SPDYA: variants seen among roughly 807,000 people sequenced by gnomAD.
SPDYA encodes speedy/RINGO cell cycle regulator family member A, also known as speedy protein A.
A neutral mutation model predicts 36.7 loss-of-function variants in SPDYA; 11 were observed. The observed-to-expected ratio is 0.30, with a 90% CI of 0.19 to 0.50. The LOEUF is 0.50. SPDYA is among the 20% of genes least tolerant of loss of function. SPDYA has a pLI of 0.98. For synonymous variants in SPDYA, 115 were observed against 118.7 expected (o/e 0.97, Z 0.20); for missense variants, 287 against 370.9 (o/e 0.77, Z 1.86).
chr2:28,831,981 T>C (rs890851220), intron 6 of SPDYA, among the ~76,000 whole-genome samples: 6 of 152,214 alleles, frequency 3.9e-5, no homozygotes, highest in African/African-American at 1.4e-4. Flanking sequence ...TTTTATTTTA[T>C]TGGATCACTG....
intron 6 of SPDYA, among the ~76,000 whole-genome samples, chr2:28,835,758 C>T (rs1258197335): frequency 6.6e-6 from 1 of 152,182 alleles, no homozygotes; most frequent in African/African-American, 2.4e-5. Context: ...TTTGGCTGTT[C>T]CAACAAGGTA....
Position 28,850,308 on chromosome 2 carries a change from G to T in SPDYA, c.*367G>T, listed in dbSNP as rs751948622. On this transcript the variant is annotated 3_prime_UTR_variant, in exon 8 of 8. Transcript: ENST00000334056. ...TAAAAGAAAAAACACCATTTAATAT[G>T]TTCTGAAAACATTACTCACCTGTAT... 3 of 1,602,830 alleles carry T rather than the reference G, an allele frequency of 1.9e-6. No homozygotes were observed. The highest frequency in any genetic ancestry group is 2.6e-6 in the Non-Finnish European group (3 of 1,171,462).
Position 28,811,793 on chromosome 2 carries a change from A to T in SPDYA, c.-93+846A>T, listed in dbSNP as rs1667852462. On this transcript the variant is annotated intron_variant, in intron 1 of 7. Coordinates refer to ENST00000334056, the MANE Select transcript of SPDYA (RefSeq NM_182756.4). The surrounding 1 kb of genome is among the most constrained non-coding windows in gnomAD (Gnocchi z 4.2). ...GCTAAAACCCGTCTCTACAAAAAATAACTTAAAAAAAAAGTATCCTGGCAT... is the reference window on the plus strand; with the variant it reads ...GCTAAAACCCGTCTCTACAAAAAATTACTTAAAAAAAAAGTATCCTGGCAT... Among the ~76,000 whole-genome samples, 1 of 151,780 alleles carries T rather than the reference A, an allele frequency of 6.6e-6. No individual in the cohort carries two copies. Among genetic ancestry groups the T allele is most frequent in the Non-Finnish European group, 1.5e-5 (1 of 67,960 alleles).
intron 6 of SPDYA, among the ~76,000 whole-genome samples, chr2:28,833,625 G>T (rs998008762): frequency 6.6e-6 from 1 of 152,158 alleles, no homozygotes; most frequent in Non-Finnish European, 1.5e-5. Context: ...GGAAAATGTA[G>T]TCTTTTCAAC....
intron 6 of SPDYA, among the ~76,000 whole-genome samples, chr2:28,835,791 A>T (rs1668582969): frequency 6.6e-6 from 1 of 152,258 alleles, no homozygotes; most frequent in Admixed American, 6.5e-5. Context: ...GTAGGCGTAT[A>T]GAAAAGGTAA....
chr2:28,823,421 G>A (rs190817998), intron 5 of SPDYA, among the ~76,000 whole-genome samples: 11 of 151,738 alleles, frequency 7.2e-5, no homozygotes, highest in South Asian at 2.1e-4. Context: ...TCAGGAGTTC[G>A]ATACCAGCCT....
intron 7 of SPDYA, among the ~76,000 whole-genome samples, chr2:28,841,215 C>G (rs540237649): frequency 1.3e-5 from 2 of 151,996 alleles, no homozygotes; most frequent in Non-Finnish European, 2.9e-5. Flanking sequence ...ATTACGGACA[C>G]GAGCTACCGC....
At chr2:28,812,609 C>G (rs1005778034) in intron 1 of SPDYA, among the ~76,000 whole-genome samples, 1 of 151,944 alleles carries the variant, frequency 6.6e-6, no homozygotes, top group Non-Finnish European at 1.5e-5. Flanking sequence ...GTAATCCCAG[C>G]GCTTTGGGAG....
chr2:28,814,349 A>T (rs961362011), intron 1 of SPDYA, among the ~76,000 whole-genome samples: 1 of 151,650 alleles, frequency 6.6e-6, no homozygotes, highest in Non-Finnish European at 1.5e-5. Context: ...CAAAAAAAAG[A>T]AAAAAAGATT....
Position 28,819,143 on chromosome 2 carries a change from A to G in SPDYA, c.294+37A>G, listed in dbSNP as rs1668069930. On this transcript the variant is annotated intron_variant, in intron 4 of 7. Transcript: ENST00000334056. Reference sequence around the variant, plus strand: ...AACAGTATAACAATTAACCAGCATTATAATGTAACTGAACCATTAGAGCTT... The same window carrying G: ...AACAGTATAACAATTAACCAGCATTGTAATGTAACTGAACCATTAGAGCTT... The G allele has an allele frequency of 3.5e-6, 5 of 1,440,146 alleles. No homozygotes were observed. The Admixed American group carries it at 7.0e-5, about 20-fold the overall frequency. The allele number at this position is 1,440,146 out of a possible 1,614,324, so 89.2% of individuals were successfully genotyped here.
rs1572524971 is a variant in SPDYA, at chr2:28,850,237, G to C, written c.*296G>C. On this transcript the variant is annotated 3_prime_UTR_variant, in exon 8 of 8. Coordinates refer to ENST00000334056, the MANE Select transcript of SPDYA (RefSeq NM_182756.4). ...GGTTTGACCTTCCTCAACTTGACAA[G>C]AAAAGCTAATTTAAGAGAAGAAAAA... The C allele has an allele frequency of 1.2e-6, 2 of 1,611,410 alleles. No homozygotes were observed. The highest frequency in any genetic ancestry group is 1.8e-4 in the Middle Eastern group (1 of 5,638).
At position 28,840,384 on chromosome 2, in the gene SPDYA, G is replaced by A; in HGVS notation, c.765G>A (p.Val255=). 2 of 1,612,486 alleles carry A rather than the reference G, an allele frequency of 1.2e-6. No homozygotes were observed. Among genetic ancestry groups the A allele is most frequent in the East Asian group, 2.2e-5 (1 of 44,872 alleles). ...SSSLSSHTAG[V]TEKHSQDSYN... ...CTTTATCCAGTCATACAGCAGGGGT[G>A]ACAGAAAAACATTCTCAGGACTCAT... Residue 255 remains valine (V), a synonymous_variant, in exon 7 of 8, where the codon GTG becomes GTA. Coordinates refer to ENST00000334056, the MANE Select transcript of SPDYA (RefSeq NM_182756.4).
At chr2:28,823,248 C>G (rs1345540402) in intron 5 of SPDYA, among the ~76,000 whole-genome samples, 1 of 152,154 alleles carries the variant, frequency 6.6e-6, no homozygotes, top group African/African-American at 2.4e-5. Context: ...CTTCCACTGA[C>G]TTTAGTTTAT....
At chr2:28,840,989 C>T (rs1003252299) in intron 7 of SPDYA, among the ~76,000 whole-genome samples, 3 of 136,392 alleles carry the variant, frequency 2.2e-5, no homozygotes, top group African/African-American at 8.1e-5. Context: ...GGCTGGAGTG[C>T]AGTGGGACAA....
In SPDYA at chr2:28,812,635, T is replaced by G. The variant is rs573727654; in HGVS notation, c.-93+1688T>G. 5.7e-4 allele frequency among the ~76,000 whole-genome samples: 87 copies of G among 152,000 alleles called. 1 individual carries two copies. In the Middle Eastern group the frequency reaches 0.01, roughly 18 times the overall value. On this transcript the variant is annotated intron_variant, in intron 1 of 7. Transcript: ENST00000334056. ...GCTTTGGGAGGCCGAGGCGGGCCGA[T>G]CACCTCAGGTCAGGAGTTGGAGACC...
At chr2:28,842,776 C>G (rs1668779270) in intron 7 of SPDYA, among the ~76,000 whole-genome samples, 1 of 152,118 alleles carries the variant, frequency 6.6e-6, no homozygotes, top group South Asian at 2.1e-4. Flanking sequence ...ATTCATTTTC[C>G]TCCAATAGTT....
At chr2:28,837,993 C>G (rs1384376884) in intron 6 of SPDYA, among the ~76,000 whole-genome samples, 2 of 151,724 alleles carry the variant, frequency 1.3e-5, no homozygotes, top group East Asian at 3.9e-4. Flanking sequence ...CTAAAAATGA[C>G]AAAAGAATAA....
In SPDYA at chr2:28,816,023, C is replaced by T; in HGVS notation, c.9C>T (p.His3=). Residue 3 remains histidine (H), a synonymous_variant, in exon 3 of 8, where the codon CAC becomes CAT. Transcript: ENST00000334056. ...AATATTGGGAAACCAAAATGAGGCA[C>T]AATCAGATGTGTTGTGAGACACCAC... MR[H]NQMCCETPPT... is the part of the protein sequence containing the mutation. 6.2e-7 allele frequency: 1 copy of T among 1,607,126 alleles called. No individual in the cohort carries two copies. Among genetic ancestry groups the T allele is most frequent in the South Asian group, 1.1e-5 (1 of 89,066 alleles).
At chr2:28,821,251 G>C (rs2148080696) in intron 4 of SPDYA, among the ~76,000 whole-genome samples, 1 of 138,222 alleles carries the variant, frequency 7.2e-6, no homozygotes, top group Non-Finnish European at 1.5e-5. Context: ...CCAGGCTGGA[G>C]TGCAGTGGCG....
Sources: allele counts gnomAD v4.1 joint callset (sites outside exome capture counted in the v4.1 genomes callset), GRCh38; gene constraint gnomAD v4.1.1; non-coding constraint Gnocchi (gnomAD v3.1); transcripts MANE v1.5; gene names NCBI Gene and HGNC (gene_info 2026-07-23, HGNC 2026-07-21).